The following SELENOF variants were observed in gnomAD, a reference collection of about 807,000 sequenced individuals.
The protein encoded by SELENOF is 15 kDa selenoprotein.
Under a neutral mutation model 20.5 loss-of-function variants are expected in SELENOF, and 16 were observed. The observed-to-expected ratio is 0.78, with a 90% CI of 0.53 to 1.19. The LOEUF is 1.19. Among genes scored for constraint, SELENOF ranks in the 50% most tolerant of loss-of-function variants. The probability of loss-of-function intolerance (pLI) is 0.00; values close to 1 mark genes in which losing one functional copy is unlikely to be tolerated. For missense variants in SELENOF, 215 were observed against 194.2 expected, an observed-to-expected ratio of 1.11 and a Z score of -0.64; for synonymous variants, 78 against 74.5, an observed-to-expected ratio of 1.05 and a Z score of -0.24.
At chr1:86,899,662 G>A (rs1475167633) in intron 2 of SELENOF, among the ~76,000 whole-genome samples, 21 of 151,038 alleles carry the variant, frequency 1.4e-4, no homozygotes, top group Admixed American at 2.0e-4. Context: ...TCTCCCTCCC[G>A]GATGGGGCGG....
At chr1:86,871,805 C>CATAAT (rs1398267755) in intron 3 of SELENOF, among the ~76,000 whole-genome samples, 2 of 141,150 alleles carry the variant, frequency 1.4e-5, no homozygotes, top group Non-Finnish European at 3.1e-5. Context: ...TATTTGAATA[C>CATAAT]ATAATATTAT....
intron 3 of SELENOF, among the ~76,000 whole-genome samples, chr1:86,880,262 A>C (rs1659032362): frequency 1.3e-5 from 2 of 151,678 alleles, no homozygotes; most frequent in African/African-American, 4.9e-5. Context: ...CCGCCTCCCG[A>C]GTAGCTGGGA....
rs146693036 is a variant in SELENOF, at chr1:86,901,730, T to C, written c.252+1551A>G. On this transcript the variant is annotated intron_variant, in intron 2 of 4. Coordinates refer to ENST00000331835, the MANE Select transcript of SELENOF (RefSeq NM_004261.5). ...TAGGAATATAATTAATTTTAGAGGT[T>C]TGTGGTGCAAGTTTGGTTCTACTAA... Among the ~76,000 whole-genome samples, 586 of 152,316 alleles carry C rather than the reference T, an allele frequency of 3.8e-3. 4 individuals are homozygous for C. The highest frequency in any genetic ancestry group is 0.021 in the Middle Eastern group (6 of 292).
chr1:86,879,658 T>C (rs564692216), intron 3 of SELENOF, among the ~76,000 whole-genome samples: 8 of 152,202 alleles, frequency 5.3e-5, no homozygotes, highest in South Asian at 4.1e-4. Flanking sequence ...TGAATACTTA[T>C]GTATTTCAGT....
Position 86,889,031 on chromosome 1 carries a change from T to G in SELENOF, c.253-8306A>C, listed in dbSNP as rs149454648. On this transcript the variant is annotated intron_variant, in intron 2 of 4. Transcript: ENST00000331835. ...TTAAATTGTGGTATCTCCCTATAGA[T>G]AGTAATCACCTAATACATTTGAACT... 3.3e-5 allele frequency among the ~76,000 whole-genome samples: 5 copies of G among 152,262 alleles called. No homozygotes were observed. In the East Asian group the frequency reaches 9.7e-4, roughly 29 times the overall value.
intron 1 of SELENOF, among the ~76,000 whole-genome samples, chr1:86,905,801 G>A (rs1399652053): frequency 2.0e-5 from 3 of 152,170 alleles, no homozygotes; most frequent in African/African-American, 7.2e-5. Flanking sequence ...GGCTTTTGTG[G>A]CCATATGGTT....
chr1:86,891,395 T>C (rs999555083), intron 2 of SELENOF, among the ~76,000 whole-genome samples: 1 of 152,210 alleles, frequency 6.6e-6, no homozygotes, highest in Non-Finnish European at 1.5e-5. Context: ...GTCTTATTTT[T>C]CTTTGATCTT....
At chr1:86,909,117 TC>T (rs901105284) in intron 1 of SELENOF, among the ~76,000 whole-genome samples, 71 of 152,328 alleles carry the variant, frequency 4.7e-4, no homozygotes, top group African/African-American at 1.6e-3. Flanking sequence ...AAGAAATTGT[TC>T]CCTCATCCCC....
intron 3 of SELENOF, among the ~76,000 whole-genome samples, chr1:86,874,569 AAGGAGTATT>A (rs1449279900): frequency 6.6e-6 from 1 of 151,984 alleles, no homozygotes; most frequent in Non-Finnish European, 1.5e-5. Context: ...AAAAAGTATT[AAGGAGTATT>A]AAAAAAAAAA....
At position 86,863,215 on chromosome 1, in the gene SELENOF, C is replaced by T. The variant is rs139216074; in HGVS notation, c.*259G>A. The T allele has an allele frequency of 3.7e-3, 1,182 of 321,742 alleles. 12 individuals carry two copies. Among genetic ancestry groups the T allele is most frequent in the African/African-American group, 0.024 (1,100 of 46,440 alleles). 19.9% of individuals were successfully genotyped at this position (321,742 alleles called of 1,614,324 possible). A position where few individuals can be genotyped will look rare whatever the true frequency, so the allele number is the denominator to read the frequency against. On this transcript the variant is annotated 3_prime_UTR_variant, in exon 5 of 5. Transcript: ENST00000331835. ...ACAAACTATCATTTGCATAATTAAC[C>T]GCAAGTCTGTTACAAAGCATTTTGT...
At chr1:86,880,137 T>C (rs1659028590) in intron 3 of SELENOF, among the ~76,000 whole-genome samples, 1 of 152,080 alleles carries the variant, frequency 6.6e-6, no homozygotes, top group African/African-American at 2.4e-5. Flanking sequence ...AAATCTGAAT[T>C]TCTTTTTTTT....
At chr1:86,866,333 G>C (rs2102068019) in intron 4 of SELENOF, among the ~76,000 whole-genome samples, 1 of 146,576 alleles carries the variant, frequency 6.8e-6, no homozygotes, top group East Asian at 2.1e-4. Context: ...GATGAACCCT[G>C]ATCCAAGTAA....
At chr1:86,870,529 C>T (rs1658734375) in intron 3 of SELENOF, among the ~76,000 whole-genome samples, 1 of 152,182 alleles carries the variant, frequency 6.6e-6, no homozygotes, top group African/African-American at 2.4e-5. Flanking sequence ...CTACTACATA[C>T]GAAACCTTCT....
At chr1:86,871,949 CT>C (rs905998203) in intron 3 of SELENOF, among the ~76,000 whole-genome samples, 8 of 149,262 alleles carry the variant, frequency 5.4e-5, no homozygotes, top group South Asian at 4.2e-4. Flanking sequence ...CTTAAAGAGA[CT>C]TTTTTTTTTC....
At chr1:86,869,172 GTAT>G (rs1395421418) in intron 3 of SELENOF, among the ~76,000 whole-genome samples, 1 of 152,138 alleles carries the variant, frequency 6.6e-6, no homozygotes, top group African/African-American at 2.4e-5. Context: ...TTCCTGAAGG[GTAT>G]TTAGCAAAAT....
chr1:86,868,239 TGTGG>T, intron 3 of SELENOF, 137 bp from the exon 4 acceptor site: 1 of 422,028 alleles, frequency 2.4e-6, no homozygotes, highest in Non-Finnish European at 4.1e-6. Flanking sequence ...TTTAAACATC[TGTGG>T]ATAAATGGAG....
In SELENOF at chr1:86,903,413, T is replaced by C. The variant is rs536407332; in HGVS notation, c.120A>G (p.Ala40=). ...SAFGAEFSSE[A]CRELGFSSNL... ...TGCTAGAAAAGCCTAACTCTCTGCATGCCTCCGATGAAAACTCTGCCCCAA... is the reference window on the plus strand; with the variant it reads ...TGCTAGAAAAGCCTAACTCTCTGCACGCCTCCGATGAAAACTCTGCCCCAA... Residue 40 remains alanine, a synonymous_variant, in exon 2 of 5, where the codon GCA becomes GCG. Transcript: ENST00000331835. The C allele has an allele frequency of 1.3e-4, 214 of 1,609,376 alleles. 1 individual carries two copies. The South Asian group carries it at 2.3e-3, about 17-fold the overall frequency.
rs1012225634 is a variant in SELENOF, at chr1:86,863,907, C to T, written c.367-302G>A. Among the ~76,000 whole-genome samples the T allele has an allele frequency of 2.6e-5, 4 of 152,116 alleles. No homozygotes were observed. The East Asian group carries it at 7.7e-4, about 29-fold the overall frequency. ...TCAGCTCACTGCAACCTCCACCTCC[C>T]GATTTCAAGTGATCCTCCCACCTCA... On this transcript the variant is annotated intron_variant, in intron 4 of 4. Transcript: ENST00000331835.
chr1:86,878,554 C>T (rs763150237), intron 3 of SELENOF, among the ~76,000 whole-genome samples: 18 of 152,190 alleles, frequency 1.2e-4, no homozygotes, highest in Non-Finnish European at 1.8e-4. Context: ...TGGTGGCGTG[C>T]GCCTGTAGTC....
Sources: allele counts gnomAD v4.1 joint callset (sites outside exome capture counted in the v4.1 genomes callset), GRCh38; gene constraint gnomAD v4.1.1; transcripts MANE v1.5; gene names NCBI Gene and HGNC (gene_info 2026-07-23, HGNC 2026-07-21).